Variants in DOCK9 observed in about 807,000 individuals in gnomAD.
The protein encoded by DOCK9 is dedicator of cytokinesis protein 9.
A neutral mutation model predicts 263.3 loss-of-function variants in DOCK9; 89 were observed. The observed-to-expected ratio is 0.34, with a 90% confidence interval of 0.28 to 0.40. The LOEUF (loss-of-function observed/expected upper bound fraction) is 0.40. DOCK9 is among the 10% of genes least tolerant of loss of function. The pLI is 1.00. For synonymous variants in DOCK9, 976 were observed against 973.1 expected (o/e 1.00, Z -0.06); for missense variants, 2,140 against 2,603.4 (o/e 0.82, Z 3.87).
At chr13:99,032,675 T>A (rs922009602) in intron 1 of DOCK9, among the ~76,000 whole-genome samples, 1 of 150,496 alleles carries the variant, frequency 6.6e-6, no homozygotes, top group Non-Finnish European at 1.5e-5. Flanking sequence ...ATGACATAAA[T>A]TTATTAATTT....
In DOCK9 at chr13:98,902,801, C is replaced by T. The variant is rs116409499; in HGVS notation, c.1176+171G>A. On this transcript the variant is annotated intron_variant, in intron 11 of 52. Transcript: ENST00000682017. ...AGCACAAACCTGCCACCCTCATCTTCCATCACGAACATCCTGTCCTTGCAG... is the reference window on the plus strand; with the variant it reads ...AGCACAAACCTGCCACCCTCATCTTTCATCACGAACATCCTGTCCTTGCAG... 3.9e-3 allele frequency among the ~76,000 whole-genome samples: 595 copies of T among 152,342 alleles called. 4 individuals carry two copies. Among genetic ancestry groups the T allele is most frequent in the African/African-American group, 0.014 (569 of 41,576 alleles).
intron 3 of DOCK9, among the ~76,000 whole-genome samples, chr13:98,928,373 T>C (rs1295607110): frequency 3.3e-5 from 5 of 152,232 alleles, no homozygotes; most frequent in Non-Finnish European, 7.3e-5. Context: ...GGTCATTCCC[T>C]GGATCAGAGG....
chr13:99,045,999 A>G (rs9517566), intron 1 of DOCK9, among the ~76,000 whole-genome samples: 78,623 of 150,512 alleles, frequency 0.52, 20,825 homozygotes, highest in South Asian at 0.68. Context: ...TACTCAGGAG[A>G]CTGAGGCAGG....
chr13:98,853,366 T>G, intron 35 of DOCK9, 42 bp downstream of exon 35: 9 of 1,338,242 alleles, frequency 6.7e-6, no homozygotes, highest in African/African-American at 1.5e-5. Context: ...ACAAACCAAG[T>G]GCTGAAACGA....
intron 1 of DOCK9, among the ~76,000 whole-genome samples, chr13:98,998,255 G>C (rs72651867): frequency 2.0e-5 from 3 of 151,986 alleles, no homozygotes; most frequent in Non-Finnish European, 2.9e-5. Context: ...CACCCACAGC[G>C]CACATGTCTC....
At chr13:98,815,984 C>T (rs1271580824) in intron 45 of DOCK9, among the ~76,000 whole-genome samples, 1 of 152,144 alleles carries the variant, frequency 6.6e-6, no homozygotes, top group African/African-American at 2.4e-5. Flanking sequence ...ATGAAAAATT[C>T]TTCTCAAAGA....
At chr13:98,953,911 G>A (rs1025243592) in intron 2 of DOCK9, among the ~76,000 whole-genome samples, 10 of 152,188 alleles carry the variant, frequency 6.6e-5, no homozygotes, top group Non-Finnish European at 1.5e-4. Flanking sequence ...GCAGGACAGA[G>A]CTAAAGAATA....
chr13:98,959,794 A>C (rs997601699), intron 1 of DOCK9, among the ~76,000 whole-genome samples: 2 of 152,182 alleles, frequency 1.3e-5, no homozygotes, highest in African/African-American at 4.8e-5. Context: ...GGCTTGGGAG[A>C]CTTGGAGGTG....
intron 18 of DOCK9, 45 bp from the exon 19 acceptor site, chr13:98,886,669 T>C: frequency 6.4e-7 from 1 of 1,559,224 alleles, no homozygotes; most frequent in South Asian, 1.1e-5. Flanking sequence ...TTCGATTAAG[T>C]AAGAAATTAA....
chr13:99,070,385 T>C (rs1300387823), intron 1 of DOCK9, among the ~76,000 whole-genome samples: 2 of 152,236 alleles, frequency 1.3e-5, no homozygotes, highest in Admixed American at 6.5e-5. Flanking sequence ...TTTTCATGTG[T>C]TTCCTTCCAA....
In DOCK9 at chr13:98,965,036, G is replaced by C. The variant is rs139591087; in HGVS notation, c.127-9485C>G. On this transcript the variant is annotated intron_variant, in intron 1 of 52. Coordinates refer to ENST00000682017, the MANE Select transcript of DOCK9 (RefSeq NM_001366683.2). ...ATATTGGAATAGTGTTCATTTGAGG[G>C]GGTACCAATGATTAGCTCACCTGGG... Among the ~76,000 whole-genome samples, 14 of 152,280 alleles carry C rather than the reference G, an allele frequency of 9.2e-5. No individual in the cohort carries two copies. In the East Asian group the frequency reaches 2.5e-3, roughly 27 times the overall value.
chr13:98,932,222 G>A (rs1215258174), intron 2 of DOCK9, among the ~76,000 whole-genome samples: 3 of 151,988 alleles, frequency 2.0e-5, no homozygotes, highest in Admixed American at 6.6e-5. Context: ...GTGAAACCCC[G>A]TCTCTATTAA....
chr13:98,925,816 T>C (rs886791384), intron 4 of DOCK9, 21 bp downstream of exon 4: 19 of 1,501,240 alleles, frequency 1.3e-5, no homozygotes, highest in Non-Finnish European at 1.7e-5. Context: ...TTTCCCTATG[T>C]GTATAATATA....
intron 1 of DOCK9, among the ~76,000 whole-genome samples, chr13:98,956,202 T>C (rs1295770453): frequency 6.6e-6 from 1 of 152,170 alleles, no homozygotes; most frequent in Admixed American, 6.5e-5. Flanking sequence ...ATCCCTAGCA[T>C]GCACTGAGCA....
At chr13:99,035,778 T>C (rs904020896) in intron 1 of DOCK9, among the ~76,000 whole-genome samples, 2 of 152,236 alleles carry the variant, frequency 1.3e-5, no homozygotes, top group Non-Finnish European at 2.9e-5. Context: ...TAGGCCACAG[T>C]ACCCAGATAT....
At position 98,831,728 on chromosome 13, in the gene DOCK9, T is replaced by G; in HGVS notation, c.4373A>C (p.Tyr1458Ser). ...NPLMKKVFDV[Y>S]LCFLQKHQSE... ...CTGATGTTTTTGAAGAAAACACAGG[T>G]AGACATCAAAAACTTTTTTCATGAG... The change falls in exon 40 of 53, where the codon TAC (tyrosine) becomes TCC (serine). Residue 1458 changes from tyrosine (Y) to serine (S), a missense_variant. Physicochemically the swap from Tyr to Ser is moderately radical, Grantham distance 144. Coordinates refer to ENST00000682017, the MANE Select transcript of DOCK9 (RefSeq NM_001366683.2). The G allele has an allele frequency of 6.2e-7, 1 of 1,614,006 alleles. No homozygotes were observed. Among genetic ancestry groups the G allele is most frequent in the Middle Eastern group, 1.6e-4 (1 of 6,062 alleles).
chr13:99,048,562 C>T (rs1457582791), intron 1 of DOCK9, among the ~76,000 whole-genome samples: 1 of 152,220 alleles, frequency 6.6e-6, no homozygotes, highest in Non-Finnish European at 1.5e-5. Flanking sequence ...AGGCAATTCC[C>T]TTCCATATTT....
At chr13:98,807,892 G>T (rs1265299388) in intron 47 of DOCK9, 85 bp from the exon 48 acceptor site, 37 of 1,158,876 alleles carry the variant, frequency 3.2e-5, no homozygotes, top group Non-Finnish European at 4.1e-5. Flanking sequence ...TTACAAGGGG[G>T]AAAAAAAGGA....
chr13:99,086,462 C>T (rs2042346355), exon 1 of DOCK9: 4 of 665,522 alleles, frequency 6.0e-6, no homozygotes, highest in East Asian at 1.4e-4. Context: ...GCTCCCGGCG[C>T]CGCCGCCGCC....
Sources: gnomAD v4.1 joint callset for allele counts (sites outside exome capture counted in the v4.1 genomes callset) on GRCh38, gnomAD v4.1.1 for gene constraint, MANE v1.5 for transcripts, NCBI Gene and HGNC (gene_info 2026-07-23, HGNC 2026-07-21) for gene names.